ZNF608: variants seen among roughly 807,000 people sequenced by gnomAD.
ZNF608 encodes the protein zinc finger protein 608.
In ZNF608, 12 loss-of-function variants were observed where a neutral mutation model predicts 109.0. The ratio of observed to expected loss-of-function variants is 0.11; its 90% CI spans 0.07 to 0.18. ZNF608 has a LOEUF of 0.18. ZNF608 is among the 10% of genes least tolerant of loss of function. The probability of loss-of-function intolerance (pLI) is 1.00; values close to 1 mark genes in which losing one functional copy is unlikely to be tolerated. For missense variants in ZNF608, 1,707 were observed against 1,879.3 expected (o/e 0.91, Z 1.70); for synonymous variants, 732 against 717.4 (o/e 1.02, Z -0.33).
intron 2 of ZNF608, among the ~76,000 whole-genome samples, chr5:124,705,268 T>C (rs950828973): frequency 2.0e-5 from 3 of 152,186 alleles, no homozygotes; most frequent in African/African-American, 7.2e-5. Context: ...GGAGGCAGCA[T>C]ACCAGGACTT....
chr5:124,666,161 T>C (rs911477249), intron 3 of ZNF608: 2 of 152,244 alleles, frequency 1.3e-5, no homozygotes, highest in African/African-American at 4.8e-5. Flanking sequence ...CTTAAAGCCA[T>C]AGTTTTCAAT....
At chr5:124,682,159 G>A (rs946449331) in intron 3 of ZNF608, among the ~76,000 whole-genome samples, 4 of 152,092 alleles carry the variant, frequency 2.6e-5, no homozygotes, top group African/African-American at 7.2e-5. Flanking sequence ...TGCAACCTCC[G>A]CCTCCCAGGT....
At chr5:124,685,353 T>C (rs1195018590) in intron 3 of ZNF608, among the ~76,000 whole-genome samples, 1 of 152,180 alleles carries the variant, frequency 6.6e-6, no homozygotes, top group Non-Finnish European at 1.5e-5. Flanking sequence ...CATAAAACAC[T>C]GAACCATAGC....
At chr5:124,661,611 A>G (rs1751264196) in intron 3 of ZNF608, among the ~76,000 whole-genome samples, 3 of 152,218 alleles carry the variant, frequency 2.0e-5, no homozygotes, top group Non-Finnish European at 4.4e-5. Context: ...GGAAGGTAAA[A>G]GGGCCTTTGT....
At chr5:124,681,869 G>C (rs1043389791) in intron 3 of ZNF608, among the ~76,000 whole-genome samples, 1 of 152,152 alleles carries the variant, frequency 6.6e-6, no homozygotes, top group Admixed American at 6.5e-5. Context: ...AATCAGGAAG[G>C]ACATTGGACT....
chr5:124,744,358 C>G lies in ZNF608; in HGVS notation c.632G>C (p.Arg211Thr), dbSNP rs896010267. 1.9e-6 allele frequency: 3 copies of G among 1,614,272 alleles called. No homozygotes were observed. The African/African-American group carries it at 4.0e-5, about 21-fold the overall frequency. The change falls in exon 2 of 10, where the codon AGG becomes ACG. Residue 211 changes from arginine to threonine, a missense_variant. Coordinates refer to ENST00000513986, the MANE Select transcript of ZNF608 (RefSeq NM_020747.3). The surrounding 1 kb of genome is among the most constrained non-coding windows in gnomAD (Gnocchi z 4.5). ...CTGAAGCAGGTCGTGCTTGTCCTTC[C>G]TGGATTTCCCCGCATCCTTATCCCG... ...AKRDKDAGKSRKDKHDLLQGH... is the reference protein window; with the variant it reads ...AKRDKDAGKSTKDKHDLLQGH...
intron 2 of ZNF608, among the ~76,000 whole-genome samples, chr5:124,701,563 T>C (rs1431454411): frequency 6.6e-6 from 1 of 152,150 alleles, no homozygotes; most frequent in Non-Finnish European, 1.5e-5. Context: ...TCAGCAGACG[T>C]GAATGAAACA....
Position 124,675,242 on chromosome 5 carries a change from A to G in ZNF608, c.1163-25545T>C, listed in dbSNP as rs574935051. 5.3e-5 allele frequency among the ~76,000 whole-genome samples: 8 copies of G among 152,354 alleles called. No homozygotes were observed. In the East Asian group the frequency reaches 1.5e-3, roughly 29 times the overall value. ...TGCTAAGAAGAAAACTAAAAATGTTATTAGTAAGTTTCCAGTACATGTTAG... is the reference window on the plus strand; with the variant it reads ...TGCTAAGAAGAAAACTAAAAATGTTGTTAGTAAGTTTCCAGTACATGTTAG... On this transcript the variant is annotated intron_variant, in intron 3 of 9. Transcript: ENST00000513986.
Position 124,710,044 on chromosome 5 carries a change from T to C in ZNF608, c.907-8775A>G, listed in dbSNP as rs542625470. The C allele has an allele frequency of 6.5e-5, 17 of 260,806 alleles. No individual in the cohort carries two copies. In the Middle Eastern group the frequency reaches 1.3e-3, roughly 20 times the overall value. The allele number at this position is 260,806 out of a possible 1,614,324, so 16.2% of individuals were successfully genotyped here. On this transcript the variant is annotated intron_variant, in intron 2 of 9. Transcript: ENST00000513986. Reference sequence around the variant, plus strand: ...GGTTGCGCCTACATTAGCCAATAAATCAATTTCAAAACACATGAATAATGC... The same window carrying C: ...GGTTGCGCCTACATTAGCCAATAAACCAATTTCAAAACACATGAATAATGC...
chr5:124,670,688 A>G (rs1751679500), intron 3 of ZNF608, among the ~76,000 whole-genome samples: 1 of 152,170 alleles, frequency 6.6e-6, no homozygotes, highest in Non-Finnish European at 1.5e-5. Context: ...TTAAAACTAT[A>G]AGAGACAGAG....
At chr5:124,727,162 T>C (rs1400119867) in intron 2 of ZNF608, among the ~76,000 whole-genome samples, 1 of 152,202 alleles carries the variant, frequency 6.6e-6, no homozygotes, top group East Asian at 1.9e-4. Flanking sequence ...TCTCCTCCAG[T>C]AAATTTCTTC....
chr5:124,674,474 T>C (rs1314471141), intron 3 of ZNF608, among the ~76,000 whole-genome samples: 1 of 152,204 alleles, frequency 6.6e-6, no homozygotes, highest in Non-Finnish European at 1.5e-5. Flanking sequence ...TCACTGCTCA[T>C]CAGAATAACT....
chr5:124,660,068 C>A (rs541630360), intron 3 of ZNF608, among the ~76,000 whole-genome samples: 34 of 152,290 alleles, frequency 2.2e-4, no homozygotes, highest in African/African-American at 8.2e-4. Flanking sequence ...CAAAGGCCAA[C>A]AACATTTACT....
At chr5:124,640,591 G>A (rs1039700973) in intron 8 of ZNF608, among the ~76,000 whole-genome samples, 3 of 152,158 alleles carry the variant, frequency 2.0e-5, no homozygotes, top group Admixed American at 6.5e-5. Context: ...TGCAATCTGT[G>A]GTATTCTAGC....
At chr5:124,710,738 T>C (rs537593146) in intron 2 of ZNF608, 4 of 153,562 alleles carry the variant, frequency 2.6e-5, no homozygotes, top group Admixed American at 2.6e-4. Context: ...GTTTTGAAAA[T>C]GTGATTTCAT....
Position 124,646,904 on chromosome 5 carries a change from C to T in ZNF608, c.3480G>A (p.Pro1160=), listed in dbSNP as rs1433029268. The change falls in exon 5 of 10, where the codon CCG becomes CCA. Residue 1160 remains proline, a synonymous_variant. Transcript: ENST00000513986. The part of the protein sequence containing the change: ...SATISKAPST[P]EPNKNHSKLG... ...GTTTAGAATGGTTTTTGTTAGGCTCCGGAGTAGAGGGAGCTTTTGAGATTG... is the reference window on the plus strand; with the variant it reads ...GTTTAGAATGGTTTTTGTTAGGCTCTGGAGTAGAGGGAGCTTTTGAGATTG... 14 of 1,613,954 alleles carry T rather than the reference C, an allele frequency of 8.7e-6. No homozygotes were observed. The highest frequency in any genetic ancestry group is 6.7e-5 in the Admixed American group (4 of 59,974).
intron 2 of ZNF608, among the ~76,000 whole-genome samples, chr5:124,728,784 C>T (rs1241282595): frequency 6.6e-6 from 1 of 152,084 alleles, no homozygotes; most frequent in East Asian, 1.9e-4. Flanking sequence ...ATCCATGTTG[C>T]TTGCGTTGTA....
In ZNF608 at chr5:124,647,385, T is replaced by C. The variant is rs751043089; in HGVS notation, c.2999A>G (p.Tyr1000Cys). The C allele has an allele frequency of 9.3e-6, 15 of 1,614,208 alleles. No individual in the cohort carries two copies. The highest frequency in any genetic ancestry group is 1.3e-5 in the Non-Finnish European group (15 of 1,180,028). Residue 1000 changes from tyrosine (Y) to cysteine (C), a missense_variant, in exon 5 of 10, where the codon TAT becomes TGT. Physicochemically the swap from Tyr to Cys is radical, Grantham distance 194. Around this residue, in one of 7 missense-constraint regions of ZNF608, gnomAD observed 1,073 missense variants for 1,133.5 expected, o/e 0.95. Coordinates refer to ENST00000513986, the MANE Select transcript of ZNF608 (RefSeq NM_020747.3). ...KESHSPYYHS[Y>C]DPYYSPSYMH... is the part of the protein sequence containing the mutation. ...GTAACTTGGAGAATAATAAGGATCA[T>C]AGCTGTGGTAATAGGGAGAATGGGA...
rs1418884277 is a variant in ZNF608 at position 124,744,409 on chromosome 5, T to A, written c.581A>T (p.Lys194Ile). The A allele has an allele frequency of 4.3e-6, 7 of 1,614,136 alleles. No individual in the cohort carries two copies. The highest frequency in any genetic ancestry group is 1.3e-5 in the African/African-American group (1 of 74,942). The change falls in exon 2 of 10, where the codon AAA becomes ATA. Residue 194 changes from lysine (K) to isoleucine (I), a missense_variant. Physicochemically the swap from Lys to Ile is moderately radical, Grantham distance 102. Around this residue, in one of 7 missense-constraint regions of ZNF608, gnomAD observed 407 missense variants for 398.7 expected, o/e 1.02. Coordinates refer to ENST00000513986, the MANE Select transcript of ZNF608 (RefSeq NM_020747.3). The surrounding 1 kb of genome is among the most constrained non-coding windows in gnomAD (Gnocchi z 4.5). ...CTTGGCGCCTCGGCTGCTCTGGCTT[T>A]TACCTGGCTTCTCCTCTTTGCTTTT... The part of the protein sequence containing the change: ...CGKSKEEKPG[K>I]SQSSRGAKRD...
Sources: gnomAD v4.1 joint callset for allele counts (sites outside exome capture counted in the v4.1 genomes callset) on GRCh38, gnomAD v4.1.1 for gene constraint, gnomAD v4.1.1 regional missense constraint, Gnocchi (gnomAD v3.1) non-coding constraint, MANE v1.5 for transcripts, NCBI Gene and HGNC (gene_info 2026-07-23, HGNC 2026-07-21) for gene names.